Variants in MYO9B observed in about 807,000 individuals in gnomAD.
MYO9B encodes myosin IXB.
MYO9B carries 71 observed loss-of-function variants against 229.5 expected under a neutral mutation model. The ratio of observed to expected loss-of-function variants is 0.31; its 90% CI spans 0.26 to 0.38. MYO9B has a LOEUF of 0.38. Ranked by LOEUF, MYO9B falls within the 10% of genes least tolerant of loss-of-function variation. The pLI is 1.00. For missense variants in MYO9B, 2,255 were observed against 2,920.5 expected, an observed-to-expected ratio of 0.77 and a Z score of 5.25; for synonymous variants, 1,185 against 1,235.8, an observed-to-expected ratio of 0.96 and a Z score of 0.86.
chr19:17,190,990 T>C (rs2072978304), intron 19 of MYO9B, 107 bp from the exon 20 acceptor site: 2 of 1,210,042 alleles, frequency 1.7e-6, no homozygotes, highest in Admixed American at 2.5e-5. Flanking sequence ...TCATTACCAT[T>C]CCTGTCAAAC....
chr19:17,191,846 T>C (rs370072592), intron 20 of MYO9B, among the ~76,000 whole-genome samples: 1 of 152,296 alleles, frequency 6.6e-6, no homozygotes, highest in African/African-American at 2.4e-5. Context: ...CGTGGTGGCA[T>C]GCACCTGTGG....
At chr19:17,146,688 C>T (rs1028878400) in intron 3 of MYO9B, among the ~76,000 whole-genome samples, 5 of 151,846 alleles carry the variant, frequency 3.3e-5, no homozygotes, top group African/African-American at 7.3e-5. Flanking sequence ...TGTCAATTAG[C>T]GAATGGATAG....
Position 17,101,978 on chromosome 19 carries a change from G to C in MYO9B, c.261G>C (p.Arg87=). The change falls in exon 2 of 40, where the codon CGG becomes CGC. Residue 87 remains arginine (R), a synonymous_variant. Transcript: ENST00000682292. This position sits in a 1 kb window ranked among gnomAD's most constrained non-coding sequence, Gnocchi z 4.7. ...VLDANDSPVH[R]VLLWPRRAQD... ...ACGCCAACGACTCGCCTGTGCACCG[G>C]GTGCTGCTATGGCCCCGGCGGGCAC... 1 of 1,613,288 alleles carries C rather than the reference G, an allele frequency of 6.2e-7. No individual in the cohort carries two copies. Among genetic ancestry groups the C allele is most frequent in the Non-Finnish European group, 8.5e-7 (1 of 1,179,868 alleles).
intron 6 of MYO9B, among the ~76,000 whole-genome samples, 158 bp from the exon 7 acceptor site, chr19:17,156,751 C>T (rs1318066811): frequency 6.6e-6 from 1 of 152,220 alleles, no homozygotes; most frequent in Non-Finnish European, 1.5e-5. Context: ...TCACATTCCA[C>T]AGAGGCCATC....
At chr19:17,121,908 C>T (rs1031567480) in intron 2 of MYO9B, among the ~76,000 whole-genome samples, 1 of 151,952 alleles carries the variant, frequency 6.6e-6, no homozygotes, top group Non-Finnish European at 1.5e-5. Flanking sequence ...ATCATTTGAG[C>T]CCGGGAGTTG....
chr19:17,153,368 G>C (rs2072501061), intron 4 of MYO9B, among the ~76,000 whole-genome samples: 1 of 145,842 alleles, frequency 6.9e-6, no homozygotes, highest in African/African-American at 2.5e-5. Flanking sequence ...CGCCCGGCTA[G>C]AGTCCTTGTC....
At position 17,212,133 on chromosome 19, in the gene MYO9B, A is replaced by T; in HGVS notation, c.6297A>T (p.Pro2099=). Residue 2099 remains proline (P), a synonymous_variant, in exon 40 of 40, where the codon CCA becomes CCT. Transcript: ENST00000682292. This position sits in a 1 kb window ranked among gnomAD's most constrained non-coding sequence, Gnocchi z 5.4. ...EAAAPVRRRE[P]PARRPDQIHS... ...CTGCCCCAGTGCGGCGCCGGGAGCCACCTGCCCGCCGCCCGGACCAGATAC... is the reference window on the plus strand; with the variant it reads ...CTGCCCCAGTGCGGCGCCGGGAGCCTCCTGCCCGCCGCCCGGACCAGATAC... 6.3e-7 allele frequency: 1 copy of T among 1,588,430 alleles called. No individual in the cohort carries two copies. The highest frequency in any genetic ancestry group is 8.6e-7 in the Non-Finnish European group (1 of 1,168,722).
chr19:17,145,360 C>G, intron 2 of MYO9B, 37 bp from the exon 3 acceptor site: 1 of 1,549,950 alleles, frequency 6.5e-7, no homozygotes, highest in Non-Finnish European at 8.9e-7. Flanking sequence ...GAAATTCCAC[C>G]CTCCTGATCT....
chr19:17,153,165 GGTTT>G (rs71180367), intron 4 of MYO9B, among the ~76,000 whole-genome samples: 8 of 148,972 alleles, frequency 5.4e-5, no homozygotes, highest in Non-Finnish European at 8.9e-5. Flanking sequence ...GGGTTTTTTT[GGTTT>G]GTTTGTTTGT....
intron 3 of MYO9B, among the ~76,000 whole-genome samples, chr19:17,148,997 C>G (rs946290232): frequency 6.6e-6 from 1 of 152,072 alleles, no homozygotes; most frequent in African/African-American, 2.4e-5. Flanking sequence ...TGTTTTGAGA[C>G]AGGGTCTTAC....
chr19:17,168,844 A>T (rs952507422), intron 11 of MYO9B, among the ~76,000 whole-genome samples: 1 of 152,096 alleles, frequency 6.6e-6, no homozygotes, highest in Non-Finnish European at 1.5e-5. Context: ...TGGGACCCAG[A>T]TGCTGCTGGG....
chr19:17,135,407 A>T (rs1314805263), intron 2 of MYO9B, among the ~76,000 whole-genome samples: 1 of 151,966 alleles, frequency 6.6e-6, no homozygotes, highest in Non-Finnish European at 1.5e-5. Flanking sequence ...AGTTGTTGAC[A>T]CCGGGGTCCC....
At chr19:17,127,013 ATT>A (rs71180364) in intron 2 of MYO9B, among the ~76,000 whole-genome samples, 3 of 92,836 alleles carry the variant, frequency 3.2e-5, no homozygotes, top group Non-Finnish European at 4.0e-5. Context: ...TCCCCTAAGC[ATT>A]TTTTTTTTTT....
chr19:17,183,722 C>A, intron 15 of MYO9B, 107 bp from the exon 16 acceptor site: 1 of 916,744 alleles, frequency 1.1e-6, no homozygotes, highest in Non-Finnish European at 1.7e-6. Flanking sequence ...TCTCTCCCCT[C>A]TCTCTGTGTC....
In MYO9B at chr19:17,198,275, C is replaced by A; in HGVS notation, c.4205C>A (p.Ala1402Glu). 1 of 1,613,940 alleles carries A rather than the reference C, an allele frequency of 6.2e-7. No individual in the cohort carries two copies. ...KPGDASSLPD[A>E]GLSPGSQVDS... ...GGCGACGCATCCTCCCTCCCAGACGCAGGGCTGTCCCCGGGCTCTCAGGTC... is the reference window on the plus strand; with the variant it reads ...GGCGACGCATCCTCCCTCCCAGACGAAGGGCTGTCCCCGGGCTCTCAGGTC... The change falls in exon 24 of 40, where the codon GCA becomes GAA. Residue 1402 changes from alanine (A) to glutamate (E), a missense_variant. By Grantham distance (107) the Ala-to-Glu change is moderately radical (BLOSUM62 -1). This residue lies in a region of MYO9B where 679 missense variants were observed against 770.2 expected (regional missense o/e 0.88). Coordinates refer to ENST00000682292, the MANE Select transcript of MYO9B (RefSeq NM_004145.4).
chr19:17,181,723 A>G (rs1168867009), intron 15 of MYO9B, among the ~76,000 whole-genome samples: 4 of 152,204 alleles, frequency 2.6e-5, no homozygotes, highest in African/African-American at 4.8e-5. Context: ...ATGGGAGCCA[A>G]TGAGAGCCAG....
intron 36 of MYO9B, among the ~76,000 whole-genome samples, 171 bp downstream of exon 36, chr19:17,209,880 T>A (rs2073206276): frequency 6.6e-6 from 1 of 151,840 alleles, no homozygotes; most frequent in African/African-American, 2.4e-5. Context: ...GGGTAGTGGG[T>A]GTGGTCTCGG....
chr19:17,097,195 C>T (rs1049328319), intron 1 of MYO9B, among the ~76,000 whole-genome samples: 13 of 151,576 alleles, frequency 8.6e-5, no homozygotes, highest in Admixed American at 4.6e-4. Flanking sequence ...GTGGTGGGCC[C>T]CTGTAATCCC....
intron 13 of MYO9B, among the ~76,000 whole-genome samples, chr19:17,173,324 T>A (rs1161329742): frequency 1.7e-5 from 2 of 121,170 alleles, no homozygotes; most frequent in Admixed American, 9.2e-5. Context: ...AGAGACAGGG[T>A]CTCTCTCTCT....
Sources: allele counts gnomAD v4.1 joint callset (sites outside exome capture counted in the v4.1 genomes callset), GRCh38; gene constraint gnomAD v4.1.1; regional missense constraint gnomAD v4.1.1; non-coding constraint Gnocchi (gnomAD v3.1); transcripts MANE v1.5; gene names NCBI Gene and HGNC (gene_info 2026-07-23, HGNC 2026-07-21).